The following COL11A1 variants were observed in gnomAD, a reference collection of about 807,000 sequenced individuals.
COL11A1 encodes the protein collagen alpha-1(XI) chain.
COL11A1 carries 74 observed loss-of-function variants against 265.2 expected under a neutral mutation model. The ratio of observed to expected loss-of-function variants is 0.28; its 90% CI spans 0.23 to 0.34. The LOEUF is 0.34. Among genes scored for constraint, COL11A1 ranks in the 10% least tolerant of loss-of-function variants. The probability of loss-of-function intolerance (pLI) is 1.00; values close to 1 mark genes in which losing one functional copy is unlikely to be tolerated. For missense variants in COL11A1, 2,165 were observed against 2,263.6 expected, an observed-to-expected ratio of 0.96 and a Z score of 0.88; for synonymous variants, 816 against 727.6, an observed-to-expected ratio of 1.12 and a Z score of -1.96.
chr1:103,036,322 GTATATATATATA>G (rs3056958), intron 4 of COL11A1, among the ~76,000 whole-genome samples: 6,090 of 140,368 alleles, frequency 0.043, 254 homozygotes, highest in African/African-American at 0.1. Context: ...AGTTGCTATC[GTATATATATATA>G]TATATATATA....
In COL11A1 at chr1:103,031,256, A is replaced by T; in HGVS notation, c.652-12T>A. 1 of 1,600,986 alleles carries T rather than the reference A, an allele frequency of 6.2e-7. No individual in the cohort carries two copies. On this transcript the variant is annotated splice_polypyrimidine_tract_variant and intron_variant, in intron 4 of 66. Transcript: ENST00000370096. ...TGCTGAATGTCCCCCTGGGAAAAAA[A>T]AAAAAACAAAAACAAACAGACACAG... is the stretch of plus-strand genomic sequence containing the variant.
intron 46 of COL11A1, among the ~76,000 whole-genome samples, chr1:102,923,837 TG>T (rs563729254): frequency 7.2e-5 from 11 of 152,188 alleles, no homozygotes; most frequent in African/African-American, 2.6e-4. Context: ...AAATATCTTC[TG>T]AATTTTTGAC....
rs564312430 is a variant in COL11A1 at position 102,979,014 on chromosome 1, A to G, written c.2655+46T>C. On this transcript the variant is annotated intron_variant, in intron 33 of 66. Transcript: ENST00000370096. Reference sequence around the variant, plus strand: ...GAAAAATAAATTATCTTGATACACTAAATTCAATATGAAAAATGTACATCA... The same window carrying G: ...GAAAAATAAATTATCTTGATACACTGAATTCAATATGAAAAATGTACATCA... The G allele has an allele frequency of 3.1e-6, 5 of 1,610,154 alleles. No homozygotes were observed. The East Asian group carries it at 6.7e-5, about 22-fold the overall frequency.
At chr1:102,885,301 A>G (rs547901569) in intron 63 of COL11A1, among the ~76,000 whole-genome samples, 1 of 152,064 alleles carries the variant, frequency 6.6e-6, no homozygotes, top group East Asian at 1.9e-4. Flanking sequence ...TGACCTTTAT[A>G]CTGAGAAGGA....
intron 10 of COL11A1, among the ~76,000 whole-genome samples, 157 bp from the exon 11 acceptor site, chr1:103,018,039 T>C (rs1379191944): frequency 6.6e-6 from 1 of 151,974 alleles, no homozygotes; most frequent in African/African-American, 2.4e-5. Flanking sequence ...AAAGACAACA[T>C]ATAGAAACCA....
At chr1:103,056,481 G>C (rs956304196) in intron 4 of COL11A1, among the ~76,000 whole-genome samples, 1 of 152,114 alleles carries the variant, frequency 6.6e-6, no homozygotes, top group Non-Finnish European at 1.5e-5. Flanking sequence ...CTCAGTCATG[G>C]GGGAATCCTG....
intron 1 of COL11A1, among the ~76,000 whole-genome samples, chr1:103,092,786 C>T (rs981983235): frequency 6.6e-6 from 1 of 152,010 alleles, no homozygotes; most frequent in Non-Finnish European, 1.5e-5. Context: ...TTGAAAAGCA[C>T]CAGGGAACCT....
intron 46 of COL11A1, among the ~76,000 whole-genome samples, chr1:102,929,799 G>A (rs1046754628): frequency 5.3e-5 from 8 of 151,972 alleles, no homozygotes; most frequent in Non-Finnish European, 1.0e-4. Context: ...CCTTGAAGAG[G>A]ACCTTCACAT....
intron 62 of COL11A1, among the ~76,000 whole-genome samples, chr1:102,887,996 T>C (rs1407271510): frequency 6.6e-6 from 1 of 152,078 alleles, no homozygotes; most frequent in Non-Finnish European, 1.5e-5. Flanking sequence ...ATTTTTGTGG[T>C]TTGAGCCACC....
At position 103,032,803 on chromosome 1, in the gene COL11A1, C is replaced by T. The variant is rs192510658; in HGVS notation, c.652-1559G>A. ...AGGTTCAAAAATTTATATTTCTATG[C>T]TTACATTTCTCTTCTTTAAAAATAA... is the stretch of plus-strand genomic sequence containing the variant. On this transcript the variant is annotated intron_variant, in intron 4 of 66. Transcript: ENST00000370096. Among the ~76,000 whole-genome samples the T allele has an allele frequency of 3.5e-3, 535 of 152,092 alleles. 5 individuals are homozygous for T. The highest frequency in any genetic ancestry group is 0.013 in the African/African-American group (520 of 41,532).
chr1:102,884,236 G>C (rs1019588125), intron 63 of COL11A1: 1 of 152,068 alleles, frequency 6.6e-6, no homozygotes, highest in Non-Finnish European at 1.5e-5. Context: ...CCCCAAAGTG[G>C]GTCATAGAAA....
intron 28 of COL11A1, among the ~76,000 whole-genome samples, chr1:102,990,631 A>C (rs1253621062): frequency 6.6e-6 from 1 of 152,166 alleles, no homozygotes; most frequent in Non-Finnish European, 1.5e-5. Context: ...TCAAGAAAAA[A>C]AAATTAAATT....
intron 63 of COL11A1, 28 bp downstream of exon 63, chr1:102,886,779 T>A: frequency 6.2e-7 from 1 of 1,613,682 alleles, no homozygotes; most frequent in Non-Finnish European, 8.5e-7. Context: ...GCTCGGTACA[T>A]TTGCTTTGTC....
At chr1:102,989,428 A>T (rs1663902505) in intron 29 of COL11A1, 90 bp downstream of exon 29, 1 of 704,244 alleles carries the variant, frequency 1.4e-6, no homozygotes, top group Admixed American at 3.1e-5. Context: ...TTTATTTATC[A>T]TATGCTTACT....
At chr1:102,912,524 A>C (rs1654810019) in intron 53 of COL11A1, among the ~76,000 whole-genome samples, 1 of 152,224 alleles carries the variant, frequency 6.6e-6, no homozygotes. Flanking sequence ...TAATTAATAT[A>C]ATCATATGGT....
intron 1 of COL11A1, chr1:103,100,019 G>A (rs1407457737): frequency 6.6e-6 from 1 of 151,720 alleles, no homozygotes; most frequent in Non-Finnish European, 1.5e-5. Context: ...CTATATCAAT[G>A]CTGTGTATTT....
In COL11A1 at chr1:103,107,094, A is replaced by C. The variant is rs376052219; in HGVS notation, c.106+979T>G. 8.5e-5 allele frequency among the ~76,000 whole-genome samples: 13 copies of C among 152,230 alleles called. No homozygotes were observed. In the East Asian group the frequency reaches 1.2e-3, roughly 14 times the overall value. ...GCACCTAACGGACCGCTCCAGCCAG[A>C]TGCCTTTTCGGGAAAGGGCGGGGGA... On this transcript the variant is annotated intron_variant, in intron 1 of 66. Transcript: ENST00000370096.
chr1:102,902,633 T>C (rs182361616), intron 54 of COL11A1, among the ~76,000 whole-genome samples: 1 of 152,096 alleles, frequency 6.6e-6, no homozygotes, highest in Admixed American at 6.5e-5. Context: ...CTTGTTTTCA[T>C]AATGACCTTA....
chr1:103,038,034 C>T (rs1215870617), intron 4 of COL11A1, among the ~76,000 whole-genome samples: 1 of 152,056 alleles, frequency 6.6e-6, no homozygotes, highest in African/African-American at 2.4e-5. Context: ...TTTCATGAAA[C>T]GGTTCTTGGA....
Sources: allele counts gnomAD v4.1 joint callset (sites outside exome capture counted in the v4.1 genomes callset), GRCh38; gene constraint gnomAD v4.1.1; transcripts MANE v1.5; gene names NCBI Gene and HGNC (gene_info 2026-07-23, HGNC 2026-07-21).